PRC1: variants seen among roughly 807,000 people sequenced by gnomAD.
PRC1 encodes the protein protein regulator of cytokinesis 1, also known as anaphase spindle elongation 1 homolog.
A neutral mutation model predicts 91.2 loss-of-function variants in PRC1; 54 were observed. The observed-to-expected ratio is 0.59, with a 90% CI of 0.48 to 0.74. The LOEUF (loss-of-function observed/expected upper bound fraction) is 0.74. PRC1 is among the 30% of genes least tolerant of loss of function. PRC1 has a pLI of 0.00. For synonymous variants in PRC1, 275 were observed against 263.6 expected, an observed-to-expected ratio of 1.04 and a Z score of -0.42; for missense variants, 727 against 746.2, an observed-to-expected ratio of 0.97 and a Z score of 0.30.
At chr15:90,979,063 G>C in intron 8 of PRC1, 95 bp downstream of exon 8, 1 of 1,361,998 alleles carries the variant, frequency 7.3e-7, no homozygotes, top group South Asian at 1.5e-5. Context: ...TAAAGATGGG[G>C]TATCAAAAGC....
intron 5 of PRC1, 142 bp downstream of exon 5, chr15:90,981,357 T>A: frequency 2.1e-6 from 2 of 947,248 alleles, no homozygotes; most frequent in Middle Eastern, 3.0e-4. Context: ...CAAGGTTGTA[T>A]ATCATATATT....
At position 90,994,455 on chromosome 15, in the gene PRC1, C is replaced by G; in HGVS notation, c.-38G>C. On this transcript the variant is annotated 5_prime_UTR_variant, in exon 1 of 15. Coordinates refer to ENST00000394249, the MANE Select transcript of PRC1 (RefSeq NM_003981.4). ...AAGCAGCCGTGAGTCCAGGTCCAGACCTACTCCACACGGCCCCGAGAGCAA... is the reference window on the plus strand; with the variant it reads ...AAGCAGCCGTGAGTCCAGGTCCAGAGCTACTCCACACGGCCCCGAGAGCAA... 1.2e-6 allele frequency: 2 copies of G among 1,607,024 alleles called. No homozygotes were observed. Among genetic ancestry groups the G allele is most frequent in the Non-Finnish European group, 1.7e-6 (2 of 1,176,742 alleles).
rs149781966 is a variant in PRC1 at position 90,984,776 on chromosome 15, G to C, written c.61C>G (p.His21Asp). The C allele has an allele frequency of 1.0e-3, 1,650 of 1,614,096 alleles. 12 individuals are homozygous for C. Among genetic ancestry groups the C allele is most frequent in the Middle Eastern group, 2.3e-3 (14 of 6,062 alleles). Reference protein sequence around the residue: ...SIVCLQKALNHLREIWELIGI... With the variant: ...SIVCLQKALNDLREIWELIGI... ...ATTAGCTCCCATATTTCCCGAAGGT[G>C]ATTTAGGGCTTTCTGCAGACATACT... The change falls in exon 2 of 15, where the codon CAC (histidine) becomes GAC (aspartate). Residue 21 changes from histidine to aspartate, a missense_variant. Physicochemically the swap from His to Asp is moderately conservative, Grantham distance 81. Transcript: ENST00000394249. This position sits in a 1 kb window ranked among gnomAD's most constrained non-coding sequence, Gnocchi z 5.1.
chr15:90,968,547 G>A (rs2037747496), intron 14 of PRC1: 3 of 990,998 alleles, frequency 3.0e-6, no homozygotes, highest in East Asian at 2.2e-4. Context: ...AGAGCATTCT[G>A]GAAAAACTTG....
At position 90,979,242 on chromosome 15, in the gene PRC1, T is replaced by C. The variant is rs758195461; in HGVS notation, c.1023A>G (p.Leu341=). 2 of 1,614,250 alleles carry C rather than the reference T, an allele frequency of 1.2e-6. No individual in the cohort carries two copies. Among genetic ancestry groups the C allele is most frequent in the Non-Finnish European group, 1.7e-6 (2 of 1,180,036 alleles). ...CCTTGTGAACTTCATAGTAGTTTTT[T>C]AACCGCACAATCTCAGCATCGTGGA... The part of the protein sequence containing the change: ...LQLHDAEIVR[L]KNYYEVHKEL... The change falls in exon 8 of 15, where the codon TTA becomes TTG. Residue 341 remains leucine (L), a synonymous_variant. Transcript: ENST00000394249.
At chr15:90,978,814 G>C (rs1248309537) in intron 8 of PRC1, among the ~76,000 whole-genome samples, 1 of 147,928 alleles carries the variant, frequency 6.8e-6, no homozygotes, top group East Asian at 2.0e-4. Context: ...AGCCATCCTG[G>C]CCCTGAAGAT....
Position 90,966,959 on chromosome 15 carries a change from TG to T in PRC1, c.*171del, listed in dbSNP as rs2151391164. The T allele has an allele frequency of 3.2e-6, 2 of 632,790 alleles. No individual in the cohort carries two copies. The highest frequency in any genetic ancestry group is 3.9e-5 in the South Asian group (2 of 51,366). The allele number at this position is 632,790 out of a possible 1,614,324, so 39.2% of individuals were successfully genotyped here. ...AAGTCTCCTAGGACCACTAAACCTA[TG>T]ATGGGCTTTCAACTGTAACACTCAT... On this transcript the variant is annotated 3_prime_UTR_variant, in exon 15 of 15. Coordinates refer to ENST00000394249, the MANE Select transcript of PRC1 (RefSeq NM_003981.4).
intron 1 of PRC1, among the ~76,000 whole-genome samples, chr15:90,987,282 A>G (rs1429753948): frequency 6.6e-6 from 1 of 152,126 alleles, no homozygotes; most frequent in African/African-American, 2.4e-5. Flanking sequence ...AAACAAAAAA[A>G]GCAAAAACAA....
At position 90,994,534 on chromosome 15, in the gene PRC1, T is replaced by C. The variant is rs942229158; in HGVS notation, c.-117A>G. 3 of 1,425,224 alleles carry C rather than the reference T, an allele frequency of 2.1e-6. No individual in the cohort carries two copies. The highest frequency in any genetic ancestry group is 3.0e-5 in the African/African-American group (2 of 67,536). 88.3% of individuals were successfully genotyped at this position (1,425,224 alleles called of 1,614,324 possible). The stretch of plus-strand genomic sequence containing the variant: ...CTCCGCGTAGCCGCTCCGCGAGCCG[T>C]TGAGCCCCGCAAAATTTCAAACCGC... On this transcript the variant is annotated 5_prime_UTR_variant, in exon 1 of 15. Transcript: ENST00000394249.
intron 9 of PRC1, 86 bp downstream of exon 9, chr15:90,976,590 G>T: frequency 2.7e-6 from 3 of 1,106,184 alleles, no homozygotes; most frequent in Non-Finnish European, 2.7e-6. Flanking sequence ...AAATAGTTTT[G>T]GGGCTAAACA....
intron 14 of PRC1, chr15:90,968,243 C>G: frequency 1.0e-6 from 1 of 985,428 alleles, no homozygotes. Flanking sequence ...CAGAGTGACA[C>G]ACACCCACTT....
chr15:90,969,666 A>T (rs1567179263), intron 12 of PRC1, 43 bp from the exon 13 acceptor site: 1 of 1,538,074 alleles, frequency 6.5e-7, no homozygotes, highest in South Asian at 1.2e-5. Context: ...CCTTCTAATG[A>T]ACGTGCACAC....
In PRC1 at chr15:90,981,780, TG is replaced by T; in HGVS notation, c.468del (p.Phe156LeufsTer5). On this transcript the variant is annotated frameshift_variant, in exon 4 of 15. Transcript: ENST00000394249. LOFTEE classifies it high-confidence loss of function. ...SVPSLEELNQ[F>X]RQHVTTLRET... is the part of the protein sequence containing the mutation. ...TCCCTCAAAGTTGTCACATGTTGCC[TG>T]AACTGGTTCAGCTCTTCTAAGCTGG... 6.2e-7 allele frequency: 1 copy of T among 1,613,652 alleles called. No individual in the cohort carries two copies.
In PRC1 at chr15:90,974,815, C is replaced by A. The variant is rs1354239843; in HGVS notation, c.1204-84G>T. The A allele has an allele frequency of 4.7e-6, 7 of 1,500,584 alleles. No homozygotes were observed. In the South Asian group the frequency reaches 4.7e-5, roughly 10 times the overall value. 93.0% of individuals were successfully genotyped at this position (1,500,584 alleles called of 1,614,324 possible). On this transcript the variant is annotated intron_variant, in intron 9 of 14. Coordinates refer to ENST00000394249, the MANE Select transcript of PRC1 (RefSeq NM_003981.4). The surrounding 1 kb of genome is among the most constrained non-coding windows in gnomAD (Gnocchi z 4.6). Reference sequence around the variant, plus strand: ...GAAATGATTTCCCTAGAGAGTGACTCCTCCTCCCCAGAGCATCATTAGCCT... The same window carrying A: ...GAAATGATTTCCCTAGAGAGTGACTACTCCTCCCCAGAGCATCATTAGCCT...
chr15:90,979,087 A>C, intron 8 of PRC1, 71 bp downstream of exon 8: 1 of 1,521,394 alleles, frequency 6.6e-7, no homozygotes, highest in Non-Finnish European at 8.9e-7. Context: ...GCAAAGAACA[A>C]AGCTAACTGG....
Position 90,984,716 on chromosome 15 carries a change from C to G in PRC1, c.121G>C (p.Glu41Gln), listed in dbSNP as rs751780992. 6.2e-7 allele frequency: 1 copy of G among 1,614,110 alleles called. No individual in the cohort carries two copies. Among genetic ancestry groups the G allele is most frequent in the African/African-American group, 1.3e-5 (1 of 74,930 alleles). ...IPEDQRLQRT[E>Q]VVKKHIKELL... ...ACCTTGATATGCTTCTTTACCACCTCAGTTCTTTGTAACCGCTGGTCCTCT... is the reference window on the plus strand; with the variant it reads ...ACCTTGATATGCTTCTTTACCACCTGAGTTCTTTGTAACCGCTGGTCCTCT... The change falls in exon 2 of 15, where the codon GAG (glutamate) becomes CAG (glutamine). Residue 41 changes from glutamate to glutamine, a missense_variant. Glu to Gln is a conservative substitution (Grantham distance 29). Transcript: ENST00000394249. This position sits in a 1 kb window ranked among gnomAD's most constrained non-coding sequence, Gnocchi z 5.1.
chr15:90,969,052 G>A (rs1466353316), intron 14 of PRC1, 27 bp downstream of exon 14: 1 of 1,613,966 alleles, frequency 6.2e-7, no homozygotes, highest in Non-Finnish European at 8.5e-7. Context: ...GTTTGGAAAA[G>A]GGACATGCAG....
At chr15:90,973,668 C>A (rs146633742) in intron 11 of PRC1, among the ~76,000 whole-genome samples, 5 of 152,194 alleles carry the variant, frequency 3.3e-5, no homozygotes, top group South Asian at 4.2e-4. Flanking sequence ...TGGCTGGAGG[C>A]GAGATACGCT....
chr15:90,966,379 C>T lies in PRC1; in HGVS notation c.*752G>A. The T allele has an allele frequency of 3.0e-6, 1 of 337,646 alleles. No homozygotes were observed. Among genetic ancestry groups the T allele is most frequent in the Non-Finnish European group, 5.9e-6 (1 of 168,324 alleles). 20.9% of individuals were successfully genotyped at this position (337,646 alleles called of 1,614,324 possible). A position where few individuals can be genotyped will look rare whatever the true frequency, so the allele number is the denominator to read the frequency against. On this transcript the variant is annotated 3_prime_UTR_variant, in exon 15 of 15. Transcript: ENST00000394249. ...TCAACCCATTGGAACAAACAGACTC[C>T]CAATGTGGCTGGCAACTGCGGGGGT... is the stretch of plus-strand genomic sequence containing the variant.
Sources: allele counts gnomAD v4.1 joint callset (sites outside exome capture counted in the v4.1 genomes callset), GRCh38; gene constraint gnomAD v4.1.1; non-coding constraint Gnocchi (gnomAD v3.1); transcripts MANE v1.5; gene names NCBI Gene and HGNC (gene_info 2026-07-23, HGNC 2026-07-21).